Variants in ATP9B observed in about 807,000 individuals in gnomAD.
The protein encoded by ATP9B is ATPase phospholipid transporting 9B.
Under a neutral mutation model 146.1 loss-of-function variants are expected in ATP9B, and 110 were observed. That is an observed-to-expected ratio of 0.75 (90% CI 0.65 to 0.88). The LOEUF (loss-of-function observed/expected upper bound fraction) is 0.88. ATP9B is among the 40% of genes least tolerant of loss of function. The probability of loss-of-function intolerance (pLI) is 0.00; values close to 1 mark genes in which losing one functional copy is unlikely to be tolerated. For missense variants in ATP9B, 1,499 were observed against 1,496.4 expected (o/e 1.00, Z -0.03); for synonymous variants, 604 against 569.7 (o/e 1.06, Z -0.86).
At chr18:79,171,186 C>T (rs928914040) in intron 7 of ATP9B, among the ~76,000 whole-genome samples, 1 of 152,040 alleles carries the variant, frequency 6.6e-6, no homozygotes, top group Admixed American at 6.5e-5. Context: ...TATTAAAAAC[C>T]TATTTTTAAA....
chr18:79,345,293 T>C, intron 21 of ATP9B, 135 bp from the exon 22 acceptor site: 1 of 1,069,848 alleles, frequency 9.3e-7, no homozygotes, highest in Non-Finnish European at 1.4e-6. Flanking sequence ...GTGAAATGAT[T>C]CACAGAAAAC....
chr18:79,346,333 C>T (rs912975392), intron 23 of ATP9B, among the ~76,000 whole-genome samples: 9 of 150,072 alleles, frequency 6.0e-5, no homozygotes, highest in African/African-American at 7.4e-5. Flanking sequence ...ACTACACATG[C>T]TCAGCACACG....
rs112167334 is a variant in ATP9B at position 79,134,487 on chromosome 18, T to A, written c.667+8112T>A. Among the ~76,000 whole-genome samples, 567 of 152,226 alleles carry A rather than the reference T, an allele frequency of 3.7e-3. 4 individuals are homozygous for A. Among genetic ancestry groups the A allele is most frequent in the African/African-American group, 0.013 (542 of 41,522 alleles). On this transcript the variant is annotated intron_variant, in intron 5 of 29. Coordinates refer to ENST00000426216, the MANE Select transcript of ATP9B (RefSeq NM_198531.5). ...TAAGTAGAGTCATTGGCATGGCATG[T>A]GGTGAGCACTCAGTGAACTGCGGGA...
chr18:79,377,716 C>G lies in ATP9B; in HGVS notation c.*333C>G. 1 of 290,770 alleles carries G rather than the reference C, an allele frequency of 3.4e-6. No individual in the cohort carries two copies. Among genetic ancestry groups the G allele is most frequent in the South Asian group, 4.9e-5 (1 of 20,514 alleles). The allele number at this position is 290,770 out of a possible 1,614,324, so 18.0% of individuals were successfully genotyped here. A position where few individuals can be genotyped will look rare whatever the true frequency, so the allele number is the denominator to read the frequency against. On this transcript the variant is annotated 3_prime_UTR_variant, in exon 30 of 30. Transcript: ENST00000426216. Reference sequence around the variant, plus strand: ...AGGGACGTCACCCCTGCCAGGCAAGCCCAGGGCACAGAGGCCGGGACGGCC... The same window carrying G: ...AGGGACGTCACCCCTGCCAGGCAAGGCCAGGGCACAGAGGCCGGGACGGCC...
At chr18:79,175,683 TCA>T (rs1428111173) in intron 7 of ATP9B, among the ~76,000 whole-genome samples, 3 of 152,128 alleles carry the variant, frequency 2.0e-5, no homozygotes, top group African/African-American at 4.8e-5. Context: ...AGGTACTTGT[TCA>T]CAGTTATACA....
In ATP9B at chr18:79,347,812, C is replaced by G; in HGVS notation, c.2725C>G (p.Gln909Glu). 6.2e-7 allele frequency: 1 copy of G among 1,609,572 alleles called. No individual in the cohort carries two copies. Among genetic ancestry groups the G allele is most frequent in the East Asian group, 2.2e-5 (1 of 44,630 alleles). Reference sequence around the variant, plus strand: ...GCTGGCGGCCGACTTCTCCATCACGCAGTTCCGGCACATAGGCAGGCTGCT... The same window carrying G: ...GCTGGCGGCCGACTTCTCCATCACGGAGTTCCGGCACATAGGCAGGCTGCT... The part of the protein sequence containing the change: ...ASLAADFSIT[Q>E]FRHIGRLLMV... The change falls in exon 24 of 30, where the codon CAG becomes GAG. Residue 909 changes from glutamine to glutamate, a missense_variant. Gln to Glu is a conservative substitution (Grantham distance 29). Coordinates refer to ENST00000426216, the MANE Select transcript of ATP9B (RefSeq NM_198531.5).
At chr18:79,110,797 A>G (rs1278845752) in intron 3 of ATP9B, among the ~76,000 whole-genome samples, 1 of 152,240 alleles carries the variant, frequency 6.6e-6, no homozygotes, top group African/African-American at 2.4e-5. Flanking sequence ...GACATAATGA[A>G]GTAAAAGTAA....
chr18:79,072,055 A>T (rs576841140), intron 1 of ATP9B, among the ~76,000 whole-genome samples: 1 of 151,348 alleles, frequency 6.6e-6, no homozygotes, highest in African/African-American at 2.4e-5. Context: ...GGTGTTTCAT[A>T]ATTTCCTTAG....
At chr18:79,205,938 T>C (rs1036522374) in intron 9 of ATP9B, among the ~76,000 whole-genome samples, 2 of 151,812 alleles carry the variant, frequency 1.3e-5, no homozygotes, top group African/African-American at 4.8e-5. Flanking sequence ...AATAACAGCA[T>C]ACTTTTTTTT....
intron 15 of ATP9B, among the ~76,000 whole-genome samples, chr18:79,316,236 T>C (rs2096679150): frequency 6.6e-6 from 1 of 152,060 alleles, no homozygotes; most frequent in Admixed American, 6.6e-5. Context: ...AAATGACAAA[T>C]GGCCGGTCGT....
intron 7 of ATP9B, among the ~76,000 whole-genome samples, chr18:79,164,324 T>C (rs1282972335): frequency 3.9e-5 from 6 of 152,164 alleles, no homozygotes; most frequent in Non-Finnish European, 7.4e-5. Flanking sequence ...CTCTTGATCT[T>C]TTTGTGCCTT....
chr18:79,157,196 A>G (rs1405120951), intron 7 of ATP9B, among the ~76,000 whole-genome samples: 6 of 144,170 alleles, frequency 4.2e-5, no homozygotes, highest in Non-Finnish European at 4.5e-5. Flanking sequence ...CCCCGTCTCT[A>G]CTAAAAAAAA....
At chr18:79,340,563 C>T (rs1208981361) in intron 19 of ATP9B, 7 of 152,096 alleles carry the variant, frequency 4.6e-5, no homozygotes. Flanking sequence ...TTTTTTTCTG[C>T]TTCCTGTTTC....
intron 12 of ATP9B, among the ~76,000 whole-genome samples, chr18:79,270,560 C>T (rs1201861010): frequency 1.3e-5 from 2 of 152,040 alleles, no homozygotes; most frequent in Admixed American, 6.6e-5. Context: ...CTCCTTTGTA[C>T]TTCCTAGTAT....
At chr18:79,095,264 A>T (rs1447719218) in intron 1 of ATP9B, among the ~76,000 whole-genome samples, 1 of 152,020 alleles carries the variant, frequency 6.6e-6, no homozygotes, top group East Asian at 1.9e-4. Flanking sequence ...TTGATGCCTT[A>T]CTAACCAAGC....
intron 25 of ATP9B, among the ~76,000 whole-genome samples, chr18:79,350,935 A>T (rs945486434): frequency 6.6e-6 from 1 of 152,004 alleles, no homozygotes; most frequent in African/African-American, 2.4e-5. Flanking sequence ...CGCCCAGCTA[A>T]TTTTTGTATA....
intron 12 of ATP9B, among the ~76,000 whole-genome samples, chr18:79,260,239 A>G (rs1325466309): frequency 6.6e-6 from 1 of 152,166 alleles, no homozygotes; most frequent in Non-Finnish European, 1.5e-5. Context: ...AGTCACCTTC[A>G]CAAGTCACCT....
chr18:79,237,361 AG>A (rs111812080), intron 11 of ATP9B, among the ~76,000 whole-genome samples: 29,536 of 145,976 alleles, frequency 0.2, 2,767 homozygotes, highest in African/African-American at 0.28. Flanking sequence ...TGCACGAGTC[AG>A]TGTCCACACC....
chr18:79,113,791 A>G (rs2147023304), intron 4 of ATP9B, among the ~76,000 whole-genome samples: 1 of 152,276 alleles, frequency 6.6e-6, no homozygotes, highest in South Asian at 2.1e-4. Flanking sequence ...ATCTCAGTGT[A>G]TAAAGTTTTT....
Sources: allele counts gnomAD v4.1 joint callset (sites outside exome capture counted in the v4.1 genomes callset), GRCh38; gene constraint gnomAD v4.1.1; transcripts MANE v1.5; gene names NCBI Gene and HGNC (gene_info 2026-07-23, HGNC 2026-07-21).